CNTNAP2: variants seen among roughly 807,000 people sequenced by gnomAD.
The protein encoded by CNTNAP2 is contactin-associated protein-like 2.
CNTNAP2 carries 98 observed loss-of-function variants against 155.2 expected under a neutral mutation model. The ratio of observed to expected loss-of-function variants is 0.63; its 90% CI spans 0.54 to 0.75. CNTNAP2 has a LOEUF of 0.75. CNTNAP2 is among the 30% of genes least tolerant of loss of function. The pLI, the probability that CNTNAP2 is intolerant of heterozygous loss-of-function variation, is 0.00. For synonymous variants in CNTNAP2, 651 were observed against 631.2 expected, an observed-to-expected ratio of 1.03 and a Z score of -0.47; for missense variants, 1,727 against 1,688.1, an observed-to-expected ratio of 1.02 and a Z score of -0.40.
chr7:146,415,045 C>T (rs1158633375), intron 1 of CNTNAP2, among the ~76,000 whole-genome samples: 2 of 152,134 alleles, frequency 1.3e-5, no homozygotes, highest in Admixed American at 6.6e-5. Context: ...AGAATGCCAT[C>T]GGTTAATATT....
intron 9 of CNTNAP2, among the ~76,000 whole-genome samples, chr7:147,348,698 G>A (rs1488974587): frequency 6.6e-6 from 1 of 152,020 alleles, no homozygotes; most frequent in Non-Finnish European, 1.5e-5. Context: ...ACACCCCCAT[G>A]TTTATTGCAG....
At chr7:146,369,609 A>C (rs1258548819) in intron 1 of CNTNAP2, among the ~76,000 whole-genome samples, 1 of 152,302 alleles carries the variant, frequency 6.6e-6, no homozygotes, top group African/African-American at 2.4e-5. Flanking sequence ...AATGATGAAA[A>C]ATAGTAAGTT....
At chr7:148,330,707 G>C (rs1296717058) in intron 21 of CNTNAP2, among the ~76,000 whole-genome samples, 1 of 150,874 alleles carries the variant, frequency 6.6e-6, no homozygotes. Context: ...CGGATGGAGT[G>C]GGTGAAGTGG....
At chr7:147,628,578 T>G (rs1795029207) in intron 12 of CNTNAP2, among the ~76,000 whole-genome samples, 1 of 152,054 alleles carries the variant, frequency 6.6e-6, no homozygotes, top group African/African-American at 2.4e-5. Context: ...AAACATAAGG[T>G]ATTAAGGCAA....
chr7:147,824,717 T>G (rs1798420860), intron 13 of CNTNAP2, among the ~76,000 whole-genome samples: 1 of 145,232 alleles, frequency 6.9e-6, no homozygotes, highest in Non-Finnish European at 1.5e-5. Flanking sequence ...AAAAAAACCC[T>G]CTTTTACCAG....
intron 1 of CNTNAP2, among the ~76,000 whole-genome samples, chr7:146,195,727 A>G (rs1798765645): frequency 6.6e-6 from 1 of 152,200 alleles, no homozygotes; most frequent in Non-Finnish European, 1.5e-5. Flanking sequence ...AGATACTGAG[A>G]TACTGACTGC....
intron 12 of CNTNAP2, among the ~76,000 whole-genome samples, chr7:147,580,886 G>C (rs1299713685): frequency 6.6e-6 from 1 of 152,166 alleles, no homozygotes; most frequent in Non-Finnish European, 1.5e-5. Context: ...AAAGTGCTGG[G>C]ATTACAGGCG....
At chr7:146,444,425 A>C (rs933568307) in intron 1 of CNTNAP2, among the ~76,000 whole-genome samples, 7 of 152,186 alleles carry the variant, frequency 4.6e-5, no homozygotes, top group Admixed American at 1.3e-4. Context: ...CAGGTAATAC[A>C]TAGATACAGG....
At chr7:146,397,871 C>CTTTTTTTT (rs1438446898) in intron 1 of CNTNAP2, among the ~76,000 whole-genome samples, 8 of 126,914 alleles carry the variant, frequency 6.3e-5, no homozygotes, top group African/African-American at 2.0e-4. Context: ...ATTTGACAGG[C>CTTTTTTTT]TTTTATTTAT....
chr7:147,482,652 C>A (rs1429644999), intron 10 of CNTNAP2, among the ~76,000 whole-genome samples: 1 of 151,726 alleles, frequency 6.6e-6, no homozygotes, highest in Admixed American at 6.6e-5. Flanking sequence ...ACCCAGGAGG[C>A]AGAGCTTGCA....
rs144383135 is a variant in CNTNAP2 at position 148,201,532 on chromosome 7, A to C, written c.3011-15756A>C. Among the ~76,000 whole-genome samples the C allele has an allele frequency of 6.6e-5, 10 of 152,374 alleles. No homozygotes were observed. The East Asian group carries it at 1.9e-3, about 29-fold the overall frequency. ...TTTGTAAAAAAACGTGACTGAATTT[A>C]TTAAACCAGTTTGTCTTCAAAAGTT... is the stretch of plus-strand genomic sequence containing the variant. On this transcript the variant is annotated intron_variant, in intron 18 of 23. Transcript: ENST00000361727.
chr7:146,448,014 T>A (rs1380719584), intron 1 of CNTNAP2, among the ~76,000 whole-genome samples: 1 of 152,010 alleles, frequency 6.6e-6, no homozygotes, highest in African/African-American at 2.4e-5. Flanking sequence ...TAAGAGCTTA[T>A]CTTTTTTCAA....
chr7:146,182,119 AAG>A (rs926867439), intron 1 of CNTNAP2, among the ~76,000 whole-genome samples: 4 of 152,136 alleles, frequency 2.6e-5, no homozygotes, highest in South Asian at 2.1e-4. Context: ...AAAAAAGAAA[AAG>A]AAAATTTTAA....
chr7:146,656,712 G>A (rs1234653905), intron 1 of CNTNAP2, among the ~76,000 whole-genome samples: 1 of 152,130 alleles, frequency 6.6e-6, no homozygotes, highest in African/African-American at 2.4e-5. Context: ...GATGACTAAA[G>A]TATGTCAACT....
intron 3 of CNTNAP2, among the ~76,000 whole-genome samples, chr7:146,914,655 T>C (rs559248673): frequency 3.3e-5 from 5 of 152,200 alleles, no homozygotes; most frequent in East Asian, 1.9e-4. Flanking sequence ...TGTTTTTTTG[T>C]CTAGTTGATT....
chr7:148,179,648 T>A (rs1422522753), intron 18 of CNTNAP2, among the ~76,000 whole-genome samples: 195 of 97,704 alleles, frequency 2.0e-3, no homozygotes, highest in Middle Eastern at 7.2e-3. Flanking sequence ...AGAGAAAGAG[T>A]GAGAAAGAGA....
chr7:148,365,202 T>A lies in CNTNAP2; in HGVS notation c.3476-18447T>A, dbSNP rs116040796. ...CTAGAGTAGCATCTCCCCGTCTCAC[T>A]CTCTCCCTTCTCCTGCTTTATTTTC... On this transcript the variant is annotated intron_variant, in intron 21 of 23. Coordinates refer to ENST00000361727, the MANE Select transcript of CNTNAP2 (RefSeq NM_014141.6). Among the ~76,000 whole-genome samples, 95 of 152,294 alleles carry A rather than the reference T, an allele frequency of 6.2e-4. 1 individual carries two copies. Among genetic ancestry groups the A allele is most frequent in the African/African-American group, 2.2e-3 (90 of 41,560 alleles).
chr7:147,374,464 G>C (rs1182386892), intron 9 of CNTNAP2, among the ~76,000 whole-genome samples: 1 of 151,968 alleles, frequency 6.6e-6, no homozygotes, highest in African/African-American at 2.4e-5. Flanking sequence ...TTGTGTTTTA[G>C]TTCATTTTTA....
chr7:147,488,343 T>C lies in CNTNAP2; in HGVS notation c.1777+2302T>C, dbSNP rs146015490. Among the ~76,000 whole-genome samples, 91 of 152,296 alleles carry C rather than the reference T, an allele frequency of 6.0e-4. No homozygotes were observed. The East Asian group carries it at 0.016, about 27-fold the overall frequency. On this transcript the variant is annotated intron_variant, in intron 11 of 23. Coordinates refer to ENST00000361727, the MANE Select transcript of CNTNAP2 (RefSeq NM_014141.6). ...ACCATCAGGCCGTGTGCCTTTGTGG[T>C]CAATCATTTGACTTTTCTTGCACTT...
Sources: allele counts gnomAD v4.1 joint callset (sites outside exome capture counted in the v4.1 genomes callset), GRCh38; gene constraint gnomAD v4.1.1; transcripts MANE v1.5; gene names NCBI Gene and HGNC (gene_info 2026-07-23, HGNC 2026-07-21).